FZD3: variants seen among roughly 807,000 people sequenced by gnomAD.
The protein encoded by FZD3 is frizzled-3.
FZD3 carries 30 observed loss-of-function variants against 60.7 expected under a neutral mutation model. That is an observed-to-expected ratio of 0.49 (90% confidence interval 0.37 to 0.67). The LOEUF (loss-of-function observed/expected upper bound fraction) is 0.67, where lower values mean the gene tolerates loss of function less well. FZD3 is among the 30% of genes least tolerant of loss of function. The pLI is 0.00. For missense variants in FZD3, 605 were observed against 838.7 expected (o/e 0.72, Z 3.44); for synonymous variants, 246 against 275.2 (o/e 0.89, Z 1.05).
At chr8:28,535,974 G>C (rs1313674532) in intron 5 of FZD3, among the ~76,000 whole-genome samples, 1 of 152,142 alleles carries the variant, frequency 6.6e-6, no homozygotes, top group Non-Finnish European at 1.5e-5. Flanking sequence ...TTTATGACTT[G>C]TTGCTACCAT....
chr8:28,533,396 G>C (rs1211346489), intron 5 of FZD3, among the ~76,000 whole-genome samples: 2 of 151,798 alleles, frequency 1.3e-5, no homozygotes, highest in African/African-American at 4.8e-5. Flanking sequence ...GCTTTCTTTA[G>C]AATTACTTTG....
chr8:28,549,402 A>T (rs1805363104), intron 5 of FZD3, among the ~76,000 whole-genome samples: 1 of 152,206 alleles, frequency 6.6e-6, no homozygotes, highest in African/African-American at 2.4e-5. Flanking sequence ...ATTTATATAC[A>T]TGAAAGTTAT....
At position 28,498,323 on chromosome 8, in the gene FZD3, TA is replaced by T. The variant is rs142226752; in HGVS notation, c.-390-1600del. ...GTTGATATACTACAGTTTCTTATAA[TA>T]AAAAAAAAATCAGTAAGAACGCCCC... is the stretch of plus-strand genomic sequence containing the variant. On this transcript the variant is annotated intron_variant, in intron 1 of 7. Coordinates refer to ENST00000240093, the MANE Select transcript of FZD3 (RefSeq NM_017412.4). Among the ~76,000 whole-genome samples the T allele has an allele frequency of 6.0e-3, 900 of 149,124 alleles. 11 individuals carry two copies. The highest frequency in any genetic ancestry group is 0.021 in the African/African-American group (841 of 40,766).
intron 5 of FZD3, among the ~76,000 whole-genome samples, chr8:28,545,113 G>T (rs1805264226): frequency 6.6e-6 from 1 of 152,212 alleles, no homozygotes; most frequent in South Asian, 2.1e-4. Context: ...TGAGGTTTAA[G>T]TTTCATTGTG....
chr8:28,527,445 A>G lies in FZD3; in HGVS notation c.685A>G (p.Thr229Ala). The G allele has an allele frequency of 1.2e-6, 2 of 1,613,560 alleles. No homozygotes were observed. The highest frequency in any genetic ancestry group is 1.7e-6 in the Non-Finnish European group (2 of 1,179,564). Residue 229 changes from threonine to alanine, a missense_variant, in exon 5 of 8, where the codon ACA becomes GCA. Physicochemically the swap from Thr to Ala is moderately conservative, Grantham distance 58. Transcript: ENST00000240093. This position sits in a 1 kb window ranked among gnomAD's most constrained non-coding sequence, Gnocchi z 5.0. ...FTFLTFLIDV[T>A]RFRYPERPII... ...TTTTTTAACTTTTTTGATTGATGTC[A>G]CAAGATTCCGTTATCCTGAAAGGCC...
intron 3 of FZD3, among the ~76,000 whole-genome samples, chr8:28,503,913 G>A (rs767834512): frequency 6.6e-6 from 1 of 152,088 alleles, no homozygotes. Context: ...ACTTCAGTAA[G>A]GTACAAAGTG....
intron 5 of FZD3, among the ~76,000 whole-genome samples, chr8:28,542,693 C>A (rs1487390670): frequency 6.6e-6 from 1 of 152,040 alleles, no homozygotes; most frequent in Admixed American, 6.6e-5. Flanking sequence ...CCACACCACA[C>A]CCACACACGC....
At chr8:28,551,972 C>G (rs183673804) in intron 6 of FZD3, among the ~76,000 whole-genome samples, 2 of 152,262 alleles carry the variant, frequency 1.3e-5, no homozygotes, top group South Asian at 2.1e-4. Flanking sequence ...ACCAGGCCTC[C>G]TGTACTAATT....
intron 3 of FZD3, chr8:28,505,181 A>G (rs1804103498): frequency 6.5e-6 from 1 of 154,738 alleles, no homozygotes; most frequent in South Asian, 2.0e-4. Flanking sequence ...CTCCACCTCC[A>G]TCCCTCTACT....
Position 28,552,712 on chromosome 8 carries a change from C to T in FZD3, c.1553+961C>T, listed in dbSNP as rs117649665. On this transcript the variant is annotated intron_variant, in intron 6 of 7. Coordinates refer to ENST00000240093, the MANE Select transcript of FZD3 (RefSeq NM_017412.4). ...TGAAGTTACTTTAGTTTCAGCCTCA[C>T]TAATAAAGTTTATATTTACTAAAAT... Among the ~76,000 whole-genome samples the T allele has an allele frequency of 4.7e-3, 717 of 152,210 alleles. 26 individuals are homozygous for T. The East Asian group carries it at 0.091, about 19-fold the overall frequency.
At chr8:28,516,605 A>T (rs143585426) in intron 3 of FZD3, among the ~76,000 whole-genome samples, 2 of 152,244 alleles carry the variant, frequency 1.3e-5, no homozygotes, top group African/African-American at 4.8e-5. Flanking sequence ...CTTACATGAC[A>T]TTGGATAAAT....
At chr8:28,551,283 G>A (rs1008947320) in intron 5 of FZD3, among the ~76,000 whole-genome samples, 7 of 152,200 alleles carry the variant, frequency 4.6e-5, no homozygotes, top group Admixed American at 3.9e-4. Flanking sequence ...TGTAATCCCA[G>A]CACTTTGGGA....
intron 5 of FZD3, among the ~76,000 whole-genome samples, chr8:28,530,845 G>A (rs1036229719): frequency 6.6e-6 from 1 of 151,970 alleles, no homozygotes; most frequent in Non-Finnish European, 1.5e-5. Flanking sequence ...ACACATACAT[G>A]TATTTCTTTG....
In FZD3 at chr8:28,564,655, TACTC is replaced by T. The variant is rs1250365495; in HGVS notation, c.*1646_*1649del. The stretch of plus-strand genomic sequence containing the variant: ...TCTGGGCTGTACTCCTAGAGAGACT[TACTC>T]AGTAAGGCCAAAGTGATAGGACTTT... On this transcript the variant is annotated 3_prime_UTR_variant, in exon 8 of 8. Coordinates refer to ENST00000240093, the MANE Select transcript of FZD3 (RefSeq NM_017412.4). 1 of 152,178 alleles carries T rather than the reference TACTC, an allele frequency of 6.6e-6. No individual in the cohort carries two copies. The highest frequency in any genetic ancestry group is 1.9e-4 in the East Asian group (1 of 5,190). 9.4% of individuals were successfully genotyped at this position (152,178 alleles called of 1,614,324 possible).
In FZD3 at chr8:28,528,081, T is replaced by C; in HGVS notation, c.1321T>C (p.Tyr441His). The C allele has an allele frequency of 1.2e-6, 2 of 1,613,996 alleles. No individual in the cohort carries two copies. Among genetic ancestry groups the C allele is most frequent in the East Asian group, 2.2e-5 (1 of 44,882 alleles). ...CTTGGTTGTAATTGGATGCTACTTT[T>C]ATGAGCAAGCTTACCGGGGCATCTG... is the stretch of plus-strand genomic sequence containing the variant. The part of the protein sequence containing the change: ...PLLVVIGCYF[Y>H]EQAYRGIWET... The change falls in exon 5 of 8, where the codon TAT (tyrosine) becomes CAT (histidine). Residue 441 changes from tyrosine (Y) to histidine (H), a missense_variant. By Grantham distance (83) the Tyr-to-His change is moderately conservative (BLOSUM62 2). Coordinates refer to ENST00000240093, the MANE Select transcript of FZD3 (RefSeq NM_017412.4).
intron 5 of FZD3, among the ~76,000 whole-genome samples, chr8:28,549,240 T>G (rs1805359956): frequency 6.6e-6 from 1 of 152,200 alleles, no homozygotes; most frequent in South Asian, 2.1e-4. Flanking sequence ...CACATAACCT[T>G]AATTACCTCT....
chr8:28,537,246 T>C (rs1483363437), intron 5 of FZD3, among the ~76,000 whole-genome samples: 1 of 152,252 alleles, frequency 6.6e-6, no homozygotes, highest in Non-Finnish European at 1.5e-5. Flanking sequence ...ATGTCCTGGT[T>C]GTAAAATACT....
chr8:28,569,087 C>CT lies in FZD3; in HGVS notation c.*6079dup, dbSNP rs1163647977. On this transcript the variant is annotated 3_prime_UTR_variant, in exon 8 of 8. Transcript: ENST00000240093. ...CATATTCCTGGAGTAGGATGGATTA[C>CT]TTTATTATTATTGTAGCTTTAAGGT... The CT allele has an allele frequency of 6.6e-6, 1 of 150,494 alleles. No individual in the cohort carries two copies. Among genetic ancestry groups the CT allele is most frequent in the Non-Finnish European group, 1.5e-5 (1 of 67,676 alleles). 9.3% of individuals were successfully genotyped at this position (150,494 alleles called of 1,614,324 possible). A position where few individuals can be genotyped will look rare whatever the true frequency, so the allele number is the denominator to read the frequency against.
intron 7 of FZD3, among the ~76,000 whole-genome samples, chr8:28,559,975 A>C (rs1169586529): frequency 6.6e-6 from 1 of 152,240 alleles, no homozygotes; most frequent in Non-Finnish European, 1.5e-5. Flanking sequence ...TCAAAGAATA[A>C]GTAATTGGTG....
Sources: allele counts gnomAD v4.1 joint callset (sites outside exome capture counted in the v4.1 genomes callset), GRCh38; gene constraint gnomAD v4.1.1; non-coding constraint Gnocchi (gnomAD v3.1); transcripts MANE v1.5; gene names NCBI Gene and HGNC (gene_info 2026-07-23, HGNC 2026-07-21).